SIAH3: variants seen among roughly 807,000 people sequenced by gnomAD.
SIAH3 encodes the protein seven in absentia homolog 3.
SIAH3 carries 9 observed loss-of-function variants against 12.6 expected under a neutral mutation model. The ratio of observed to expected loss-of-function variants is 0.72; its 90% confidence interval spans 0.43 to 1.25. The LOEUF (loss-of-function observed/expected upper bound fraction) is 1.25, where lower values mean the gene tolerates loss of function less well. Among genes scored for constraint, SIAH3 ranks in the 50% most tolerant of loss-of-function variants. The pLI is 0.00. For synonymous variants in SIAH3, 154 were observed against 151.1 expected, an observed-to-expected ratio of 1.02 and a Z score of -0.14; for missense variants, 390 against 365.4, an observed-to-expected ratio of 1.07 and a Z score of -0.55.
At chr13:45,820,697 C>T (rs1463052383) in intron 1 of SIAH3, among the ~76,000 whole-genome samples, 1 of 152,170 alleles carries the variant, frequency 6.6e-6, no homozygotes, top group African/African-American at 2.4e-5. Context: ...CCGGAGCAAA[C>T]AGACTCTGCC....
At chr13:45,787,758 G>A (rs572315411) in intron 1 of SIAH3, among the ~76,000 whole-genome samples, 7 of 152,288 alleles carry the variant, frequency 4.6e-5, no homozygotes, top group South Asian at 2.1e-4. Flanking sequence ...CCCAGTGCAC[G>A]GTGGATATTA....
intron 1 of SIAH3, among the ~76,000 whole-genome samples, chr13:45,843,030 C>CTGTGTGTGTGTG (rs1236849648): frequency 2.2e-3 from 141 of 64,504 alleles, no homozygotes; most frequent in African/African-American, 6.3e-3. Flanking sequence ...CTCTCTCTCT[C>CTGTGTGTGTGTG]TCTCTGTGTG....
intron 1 of SIAH3, among the ~76,000 whole-genome samples, chr13:45,845,056 T>C (rs1250211173): frequency 6.6e-6 from 1 of 152,268 alleles, no homozygotes; most frequent in African/African-American, 2.4e-5. Flanking sequence ...AATTATTTAA[T>C]CATGTACTAC....
At chr13:45,800,290 C>T (rs1411388103) in intron 1 of SIAH3, among the ~76,000 whole-genome samples, 1 of 152,106 alleles carries the variant, frequency 6.6e-6, no homozygotes, top group Non-Finnish European at 1.5e-5. Context: ...AGCTGAACAC[C>T]ATTATTTTTG....
At chr13:45,787,332 A>T (rs140898012) in intron 1 of SIAH3, among the ~76,000 whole-genome samples, 2 of 152,276 alleles carry the variant, frequency 1.3e-5, no homozygotes, top group East Asian at 3.9e-4. Context: ...TAAGCCATTC[A>T]GCATACACGT....
intron 1 of SIAH3, among the ~76,000 whole-genome samples, chr13:45,785,583 C>T (rs985032819): frequency 6.6e-6 from 1 of 152,272 alleles, no homozygotes; most frequent in Non-Finnish European, 1.5e-5. Context: ...TGCATACACA[C>T]ACGCTCATGA....
chr13:45,824,877 C>CAA (rs57377852), intron 1 of SIAH3, among the ~76,000 whole-genome samples: 3 of 123,908 alleles, frequency 2.4e-5, no homozygotes, highest in Admixed American at 8.9e-5. Flanking sequence ...GACTCTGTCT[C>CAA]AAAAAAAAAA....
intron 1 of SIAH3, among the ~76,000 whole-genome samples, chr13:45,843,385 T>C (rs983069687): frequency 2.0e-5 from 3 of 152,276 alleles, no homozygotes; most frequent in South Asian, 4.1e-4. Context: ...TCGAATCAGA[T>C]ACCCCTCACA....
intron 1 of SIAH3, among the ~76,000 whole-genome samples, chr13:45,849,749 C>T (rs1950772985): frequency 6.6e-6 from 1 of 152,206 alleles, no homozygotes; most frequent in Non-Finnish European, 1.5e-5. Context: ...GACCTTAACA[C>T]CTCTCTATTC....
At chr13:45,818,947 G>A (rs530136644) in intron 1 of SIAH3, among the ~76,000 whole-genome samples, 2 of 152,260 alleles carry the variant, frequency 1.3e-5, no homozygotes, top group African/African-American at 4.8e-5. Context: ...AGGGTGTTAG[G>A]GGTATGGAGA....
chr13:45,819,648 T>C (rs1180718422), intron 1 of SIAH3, among the ~76,000 whole-genome samples: 1 of 152,172 alleles, frequency 6.6e-6, no homozygotes, highest in Non-Finnish European at 1.5e-5. Flanking sequence ...GATTGCTCTG[T>C]GCTTATATGT....
intron 1 of SIAH3, among the ~76,000 whole-genome samples, chr13:45,828,534 CT>C (rs1950686975): frequency 6.6e-6 from 1 of 152,210 alleles, no homozygotes. Flanking sequence ...GCATAATTCA[CT>C]ATTTTGCGAG....
intron 1 of SIAH3, among the ~76,000 whole-genome samples, chr13:45,812,042 T>C (rs1950618124): frequency 6.6e-6 from 1 of 152,210 alleles, no homozygotes; most frequent in Non-Finnish European, 1.5e-5. Context: ...GTTAGTTCAA[T>C]GCCATTCACC....
Position 45,851,615 on chromosome 13 carries a change from G to A in SIAH3, c.15C>T (p.Thr5=). The A allele has an allele frequency of 6.2e-7, 1 of 1,614,224 alleles. No individual in the cohort carries two copies. The highest frequency in any genetic ancestry group is 1.6e-4 in the Middle Eastern group (1 of 6,062). MLFF[T]QCFGAVLDLI... ...GATCTAATACAGCCCCAAAGCACTG[G>A]GTAAAGAAAAGCATCACAACTTTTG... The change falls in exon 1 of 2, where the codon ACC becomes ACT. Residue 5 remains threonine, a synonymous_variant. Coordinates refer to ENST00000400405, the MANE Select transcript of SIAH3 (RefSeq NM_198849.3).
intron 1 of SIAH3, among the ~76,000 whole-genome samples, chr13:45,796,318 A>G (rs1347079963): frequency 1.3e-5 from 2 of 152,094 alleles, no homozygotes; most frequent in African/African-American, 4.8e-5. Flanking sequence ...GTCACTGTTA[A>G]ATGGACATAT....
chr13:45,832,327 GT>G (rs755052605), intron 1 of SIAH3, among the ~76,000 whole-genome samples: 1 of 152,216 alleles, frequency 6.6e-6, no homozygotes, highest in Non-Finnish European at 1.5e-5. Flanking sequence ...AAGAGACACT[GT>G]GGCCGTGAAG....
rs189634923 is a variant in SIAH3 at position 45,814,522 on chromosome 13, C to A, written c.136-30465G>T. ...AGCTGGGCAGGCAAAGATGAACAAA[C>A]GGAGCAGGTTTGCAGCCAAAGAGAC... On this transcript the variant is annotated intron_variant, in intron 1 of 1. Transcript: ENST00000400405. 4.1e-4 allele frequency among the ~76,000 whole-genome samples: 62 copies of A among 152,162 alleles called. No homozygotes were observed. The East Asian group carries it at 7.4e-3, about 18-fold the overall frequency.
At chr13:45,790,332 G>A (rs1950541892) in intron 1 of SIAH3, among the ~76,000 whole-genome samples, 1 of 152,062 alleles carries the variant, frequency 6.6e-6, no homozygotes, top group African/African-American at 2.4e-5. Context: ...AAGATCTATG[G>A]GTGCAAAATA....
rs2137542998 is a variant in SIAH3, at chr13:45,778,300, G to A, written c.*5083C>T. 6.6e-6 allele frequency: 1 copy of A among 152,330 alleles called. No individual in the cohort carries two copies. Among genetic ancestry groups the A allele is most frequent in the Non-Finnish European group, 1.5e-5 (1 of 68,032 alleles). The allele number at this position is 152,330 out of a possible 1,614,324, so 9.4% of individuals were successfully genotyped here. A position where few individuals can be genotyped will look rare whatever the true frequency, so the allele number is the denominator to read the frequency against. On this transcript the variant is annotated 3_prime_UTR_variant, in exon 2 of 2. Transcript: ENST00000400405. ...AAGAGGTAGGGAGGGTGACCTGTAA[G>A]AACAAGTAACAGGAAATTTGAGCTT...
Sources: gnomAD v4.1 joint callset for allele counts (sites outside exome capture counted in the v4.1 genomes callset) on GRCh38, gnomAD v4.1.1 for gene constraint, MANE v1.5 for transcripts, NCBI Gene and HGNC (gene_info 2026-07-23, HGNC 2026-07-21) for gene names.